The following GPHN variants were observed in gnomAD, a reference collection of about 807,000 sequenced individuals.
The protein encoded by GPHN is gephyrin.
In GPHN, 17 loss-of-function variants were observed where a neutral mutation model predicts 95.5. The ratio of observed to expected loss-of-function variants is 0.18; its 90% CI spans 0.12 to 0.27. GPHN has a LOEUF of 0.27. Among genes scored for constraint, GPHN ranks in the 10% least tolerant of loss-of-function variants. The probability of loss-of-function intolerance (pLI) is 1.00; values close to 1 mark genes in which losing one functional copy is unlikely to be tolerated. For synonymous variants in GPHN, 320 were observed against 322.5 expected, an observed-to-expected ratio of 0.99 and a Z score of 0.08; for missense variants, 660 against 978.1, an observed-to-expected ratio of 0.67 and a Z score of 4.34.
At chr14:67,586,350 CTTT>C in the GPHN span, 33 of 1,434,796 alleles carry the variant, frequency 2.3e-5, no homozygotes, top group East Asian at 9.3e-4. Context: ...TTCACTTTTT[CTTT>C]TTTATTCTCT....
At chr14:67,441,566 T>C in the GPHN span, among the ~76,000 whole-genome samples, 1 of 152,172 alleles carries the variant, frequency 6.6e-6, no homozygotes. Context: ...ATGTGTCAAC[T>C]TGACCTCCCA....
At chr14:67,120,856 T>G (rs1387968538) in intron 16 of GPHN, among the ~76,000 whole-genome samples, 1 of 152,182 alleles carries the variant, frequency 6.6e-6, no homozygotes, top group East Asian at 1.9e-4. Context: ...GTTAAATTAG[T>G]AAGTATTCGA....
the GPHN span, chr14:67,471,381 C>G: frequency 6.6e-6 from 1 of 152,212 alleles, no homozygotes; most frequent in African/African-American, 2.4e-5. Context: ...TGAAGGGGTG[C>G]TGGGAGACTA....
intron 11 of GPHN, among the ~76,000 whole-genome samples, chr14:67,084,566 A>G (rs1035434470): frequency 1.3e-5 from 2 of 152,056 alleles, no homozygotes; most frequent in Admixed American, 6.6e-5. Context: ...AATCATCTCT[A>G]TTTCTCTGTC....
chr14:67,580,499 A>G, the GPHN span, among the ~76,000 whole-genome samples: 5 of 152,240 alleles, frequency 3.3e-5, no homozygotes, highest in African/African-American at 9.6e-5. Context: ...AAAGGCTTCT[A>G]TGGTCTTTTA....
chr14:66,736,904 A>G (rs1160748970), intron 2 of GPHN, among the ~76,000 whole-genome samples: 1 of 151,936 alleles, frequency 6.6e-6, no homozygotes, highest in Non-Finnish European at 1.5e-5. Context: ...TCTTTGCTGA[A>G]TTCTATATCA....
the GPHN span, among the ~76,000 whole-genome samples, chr14:67,716,721 T>C: frequency 6.6e-6 from 1 of 151,922 alleles, no homozygotes; most frequent in Non-Finnish European, 1.5e-5. Context: ...CCATCTCTAC[T>C]GAAAATACAA....
intron 1 of GPHN, among the ~76,000 whole-genome samples, chr14:66,602,774 G>T (rs979258801): frequency 6.6e-6 from 1 of 151,750 alleles, no homozygotes; most frequent in Non-Finnish European, 1.5e-5. Context: ...TTGCAAGCTT[G>T]GATTCATATA....
At chr14:67,555,943 C>T in the GPHN span, 1 of 1,593,090 alleles carries the variant, frequency 6.3e-7, no homozygotes, top group Non-Finnish European at 8.5e-7. Flanking sequence ...TCGGCCCTTC[C>T]AGGCCCTTCC....
At chr14:67,480,919 C>G in the GPHN span, among the ~76,000 whole-genome samples, 1 of 152,106 alleles carries the variant, frequency 6.6e-6, no homozygotes, top group Non-Finnish European at 1.5e-5. Context: ...AGAGTCAGAT[C>G]CCAAAACCCT....
chr14:66,848,091 C>T (rs1368656625), intron 4 of GPHN, among the ~76,000 whole-genome samples: 1 of 151,964 alleles, frequency 6.6e-6, no homozygotes, highest in Non-Finnish European at 1.5e-5. Context: ...AAATACAAAC[C>T]ACCACCAGAC....
At chr14:67,540,365 C>A in the GPHN span, among the ~76,000 whole-genome samples, 4 of 152,082 alleles carry the variant, frequency 2.6e-5, no homozygotes, top group African/African-American at 9.7e-5. Context: ...GTGGCTCACA[C>A]CTGTAATCCC....
At chr14:67,659,638 A>G in the GPHN span, 6 of 1,301,346 alleles carry the variant, frequency 4.6e-6, no homozygotes, top group East Asian at 1.2e-4. Flanking sequence ...TCTAGTATAC[A>G]CTGATAACAT....
chr14:67,090,283 G>A (rs1567316457), intron 12 of GPHN, among the ~76,000 whole-genome samples: 1 of 151,848 alleles, frequency 6.6e-6, no homozygotes, highest in East Asian at 1.9e-4. Flanking sequence ...AATACAGGTT[G>A]GGCATCCCTA....
At chr14:67,280,837 T>TTCCTTCCC in the GPHN span, among the ~76,000 whole-genome samples, 16 of 133,446 alleles carry the variant, frequency 1.2e-4, no homozygotes, top group African/African-American at 4.8e-4. Flanking sequence ...CCTTCCTTCC[T>TTCCTTCCC]TCCTTCCTTC....
At chr14:67,296,585 C>CAAAAAAAA in the GPHN span, among the ~76,000 whole-genome samples, 45 of 51,002 alleles carry the variant, frequency 8.8e-4, no homozygotes, top group African/African-American at 1.1e-3. Flanking sequence ...AACTCTGTCT[C>CAAAAAAAA]AAAAAAAAAA....
chr14:66,771,513 C>A (rs1025401463), intron 2 of GPHN, among the ~76,000 whole-genome samples: 1 of 152,124 alleles, frequency 6.6e-6, no homozygotes, highest in African/African-American at 2.4e-5. Context: ...TAGAATATAG[C>A]CAGAAAGAGA....
At chr14:67,353,159 A>G in the GPHN span, 1 of 724,294 alleles carries the variant, frequency 1.4e-6, no homozygotes, top group Admixed American at 2.6e-5. Context: ...GTGAGACTAT[A>G]TAGAGAATTT....
the GPHN span, among the ~76,000 whole-genome samples, chr14:67,632,381 C>T: frequency 6.6e-6 from 1 of 152,210 alleles, no homozygotes; most frequent in Non-Finnish European, 1.5e-5. Context: ...TTTTACACCA[C>T]CTCCAGACCA....
Sources: gnomAD v4.1 joint callset for allele counts (sites outside exome capture counted in the v4.1 genomes callset) on GRCh38, gnomAD v4.1.1 for gene constraint, MANE v1.5 for transcripts, NCBI Gene and HGNC (gene_info 2026-07-23, HGNC 2026-07-21) for gene names.